The following CDK14 variants were observed in gnomAD, a reference collection of about 807,000 sequenced individuals.
The protein encoded by CDK14 is cyclin-dependent kinase 14.
Under a neutral mutation model 60.7 loss-of-function variants are expected in CDK14, and 34 were observed. The observed-to-expected ratio is 0.56, with a 90% CI of 0.43 to 0.75. The LOEUF (loss-of-function observed/expected upper bound fraction) is 0.75, where lower values mean the gene tolerates loss of function less well. Among genes scored for constraint, CDK14 ranks in the 30% least tolerant of loss-of-function variants. The pLI is 0.00. For missense variants in CDK14, 482 were observed against 564.1 expected (o/e 0.85, Z 1.47); for synonymous variants, 197 against 203.7 (o/e 0.97, Z 0.28).
chr7:91,119,581 A>G (rs1204503138), intron 14 of CDK14, among the ~76,000 whole-genome samples: 1 of 152,218 alleles, frequency 6.6e-6, no homozygotes, highest in Non-Finnish European at 1.5e-5. Flanking sequence ...CTTAGTTTGA[A>G]ATATGTTAAC....
intron 14 of CDK14, among the ~76,000 whole-genome samples, chr7:91,206,556 C>T (rs1802904717): frequency 6.6e-6 from 1 of 152,126 alleles, no homozygotes; most frequent in Non-Finnish European, 1.5e-5. Context: ...CTTCTTTTTG[C>T]TTGAACCATT....
intron 6 of CDK14, among the ~76,000 whole-genome samples, chr7:90,878,793 A>G (rs985201108): frequency 2.0e-5 from 3 of 152,224 alleles, no homozygotes; most frequent in Non-Finnish European, 4.4e-5. Flanking sequence ...ATTTTAAAAA[A>G]AGAGAGAAGT....
chr7:91,005,889 C>T (rs534081466), intron 10 of CDK14, among the ~76,000 whole-genome samples: 7 of 152,324 alleles, frequency 4.6e-5, no homozygotes, highest in African/African-American at 1.4e-4. Flanking sequence ...AGAACCAAAC[C>T]GGATTTTTCT....
At position 91,186,931 on chromosome 7, in the gene CDK14, T is replaced by C. The variant is rs1037566693; in HGVS notation, c.*29-20234T>C. Among the ~76,000 whole-genome samples, 25 of 152,294 alleles carry C rather than the reference T, an allele frequency of 1.6e-4. 1 individual carries two copies. Among genetic ancestry groups the C allele is most frequent in the African/African-American group, 5.3e-4 (22 of 41,560 alleles). ...TGTTATATTGGTAACAGAGCTACAA[T>C]AAATCTGCAGGAAGAAATACCACCA... On this transcript the variant is annotated intron_variant, in intron 14 of 14. Coordinates refer to ENST00000380050, the MANE Select transcript of CDK14 (RefSeq NM_001287135.2).
Position 90,863,161 on chromosome 7 carries a change from A to G in CDK14, c.545-14A>G. ...TCCACGATAAATTGTTTCTCTGTCC[A>G]TTTTGTTTTACAGCTTCTCTTTTAA... On this transcript the variant is annotated splice_polypyrimidine_tract_variant and intron_variant, in intron 5 of 14. Transcript: ENST00000380050. 1.4e-6 allele frequency: 2 copies of G among 1,479,772 alleles called. No homozygotes were observed. The highest frequency in any genetic ancestry group is 9.4e-7 in the Non-Finnish European group (1 of 1,066,952). 91.7% of individuals were successfully genotyped at this position (1,479,772 alleles called of 1,614,324 possible). A position where few individuals can be genotyped will look rare whatever the true frequency, so the allele number is the denominator to read the frequency against.
At chr7:90,976,669 G>A (rs538240220) in intron 9 of CDK14, among the ~76,000 whole-genome samples, 147 of 151,936 alleles carry the variant, frequency 9.7e-4, no homozygotes, top group African/African-American at 2.8e-3. Context: ...TGTCCTCATC[G>A]GCCCATTTTT....
chr7:90,791,987 C>CT (rs1805850685), intron 5 of CDK14, among the ~76,000 whole-genome samples: 1 of 151,562 alleles, frequency 6.6e-6, no homozygotes, highest in Non-Finnish European at 1.5e-5. Flanking sequence ...ACTGCAACCT[C>CT]TGTCTCCCCG....
At chr7:90,945,246 GT>G (rs1233637246) in intron 8 of CDK14, among the ~76,000 whole-genome samples, 1 of 152,178 alleles carries the variant, frequency 6.6e-6, no homozygotes, top group African/African-American at 2.4e-5. Flanking sequence ...TGAATTAAGT[GT>G]TACTCTAGGC....
chr7:91,001,178 T>C lies in CDK14; in HGVS notation c.1041+16937T>C, dbSNP rs76534744. On this transcript the variant is annotated intron_variant, in intron 10 of 14. Coordinates refer to ENST00000380050, the MANE Select transcript of CDK14 (RefSeq NM_001287135.2). Reference sequence around the variant, plus strand: ...ATGAAAAAATGTTATCCCAATGAAATAGGCTTTTAAATATTGGGGAGAAAC... The same window carrying C: ...ATGAAAAAATGTTATCCCAATGAAACAGGCTTTTAAATATTGGGGAGAAAC... Among the ~76,000 whole-genome samples the C allele has an allele frequency of 6.0e-3, 921 of 152,274 alleles. 13 individuals are homozygous for C. Among genetic ancestry groups the C allele is most frequent in the African/African-American group, 0.021 (864 of 41,566 alleles).
rs190358444 is a variant in CDK14, at chr7:90,758,887, C to T, written c.464+11112C>T. ...CCTGGCCAACATGGTGAAAGCCTGT[C>T]CCTCTTAAAAATAGAAAAATCAGCT... On this transcript the variant is annotated intron_variant, in intron 4 of 14. Coordinates refer to ENST00000380050, the MANE Select transcript of CDK14 (RefSeq NM_001287135.2). Among the ~76,000 whole-genome samples, 34 of 152,174 alleles carry T rather than the reference C, an allele frequency of 2.2e-4. No homozygotes were observed. The East Asian group carries it at 6.4e-3, about 29-fold the overall frequency.
chr7:90,692,618 T>A, intron 2 of CDK14: 1 of 891,732 alleles, frequency 1.1e-6, no homozygotes, highest in Non-Finnish European at 1.3e-6. Context: ...GCATGAGGGC[T>A]CTGCCTGGTG....
chr7:90,973,921 C>T (rs1177118506), intron 9 of CDK14, among the ~76,000 whole-genome samples: 2 of 152,076 alleles, frequency 1.3e-5, no homozygotes, highest in Non-Finnish European at 2.9e-5. Flanking sequence ...GAGCAGACAA[C>T]CGGTCTGACT....
intron 2 of CDK14, among the ~76,000 whole-genome samples, chr7:90,617,841 G>A: frequency 6.6e-6 from 1 of 152,136 alleles, no homozygotes; most frequent in East Asian, 1.9e-4. Context: ...GGGCTCTGTA[G>A]TCAATGAAGA....
chr7:90,962,245 G>A (rs1417011764), intron 9 of CDK14, among the ~76,000 whole-genome samples: 1 of 152,166 alleles, frequency 6.6e-6, no homozygotes, highest in East Asian at 1.9e-4. Context: ...CCAGCACTTT[G>A]GGAGGCCAAG....
chr7:90,880,602 T>A (rs911082152), intron 6 of CDK14, among the ~76,000 whole-genome samples: 11 of 152,106 alleles, frequency 7.2e-5, no homozygotes, highest in South Asian at 2.1e-4. Context: ...CTTAAATAGT[T>A]CCTGCTCCCA....
At chr7:90,688,906 T>G (rs1801498376) in intron 2 of CDK14, among the ~76,000 whole-genome samples, 1 of 152,164 alleles carries the variant, frequency 6.6e-6, no homozygotes, top group Non-Finnish European at 1.5e-5. Context: ...TTCTCTCTCC[T>G]TTCCTCTCTC....
chr7:91,198,441 T>C (rs1802619826), intron 14 of CDK14, among the ~76,000 whole-genome samples: 1 of 152,150 alleles, frequency 6.6e-6, no homozygotes, highest in African/African-American at 2.4e-5. Flanking sequence ...TCCAGGAAGA[T>C]TGTACAATAA....
intron 2 of CDK14, among the ~76,000 whole-genome samples, chr7:90,698,636 T>C (rs1469492664): frequency 2.6e-5 from 4 of 152,232 alleles, no homozygotes; most frequent in Non-Finnish European, 5.9e-5. Flanking sequence ...TTGGCATCAA[T>C]TATCTTACAA....
At chr7:91,147,141 G>GTCTCTCTCTCTCTC (rs150638262) in intron 14 of CDK14, among the ~76,000 whole-genome samples, 28 of 79,208 alleles carry the variant, frequency 3.5e-4, no homozygotes, top group African/African-American at 1.0e-3. Flanking sequence ...ACCTCTCTCT[G>GTCTCTCTCTCTCTC]TCTCTCTCTC....
Sources: allele counts gnomAD v4.1 joint callset (sites outside exome capture counted in the v4.1 genomes callset), GRCh38; gene constraint gnomAD v4.1.1; transcripts MANE v1.5; gene names NCBI Gene and HGNC (gene_info 2026-07-23, HGNC 2026-07-21).